GSE1: variants seen among roughly 807,000 people sequenced by gnomAD.
The protein encoded by GSE1 is Gse1 coiled-coil protein, also known as genetic suppressor element 1.
GSE1 carries 32 observed loss-of-function variants against 112.6 expected under a neutral mutation model. The ratio of observed to expected loss-of-function variants is 0.28; its 90% CI spans 0.21 to 0.38. GSE1 has a LOEUF of 0.38. GSE1 is among the 10% of genes least tolerant of loss of function. The probability of loss-of-function intolerance (pLI) is 1.00; values close to 1 mark genes in which losing one functional copy is unlikely to be tolerated. For missense variants in GSE1, 2,348 were observed against 1,699.2 expected, an observed-to-expected ratio of 1.38 and a Z score of -6.71; for synonymous variants, 1,115 against 735.6, an observed-to-expected ratio of 1.52 and a Z score of -8.35.
chr16:85,655,828 C>A lies in GSE1; in HGVS notation c.900C>A (p.His300Gln). ...TGCACCCATCAGCGATGCACCTGCA[C>A]CTCTCTGGGGTCCGCTACCCTCCCG... ...PPLHPSAMHL[H>Q]LSGVRYPPEL... Residue 300 changes from histidine (H) to glutamine (Q), a missense_variant, in exon 6 of 16, where the codon CAC becomes CAA. His to Gln is a conservative substitution (Grantham distance 24). Coordinates refer to ENST00000253458, the MANE Select transcript of GSE1 (RefSeq NM_014615.5). 2 of 1,611,182 alleles carry A rather than the reference C, an allele frequency of 1.2e-6. No individual in the cohort carries two copies. Among genetic ancestry groups the A allele is most frequent in the Non-Finnish European group, 1.7e-6 (2 of 1,179,558 alleles).
At chr16:85,391,097 CGCCCCAGCTGGCA>C (rs1471245587) in intron 2 of GSE1, among the ~76,000 whole-genome samples, 2 of 152,190 alleles carry the variant, frequency 1.3e-5, no homozygotes, top group Admixed American at 6.5e-5. Context: ...GCCCCCCCAC[CGCCCCAGCTGGCA>C]GCCCCAGCAC....
intron 2 of GSE1, among the ~76,000 whole-genome samples, chr16:85,534,357 A>G (rs1394304125): frequency 1.3e-5 from 2 of 152,064 alleles, no homozygotes; most frequent in Non-Finnish European, 2.9e-5. Context: ...CCTGACCTCA[A>G]GTGATCCGCC....
At chr16:85,399,019 T>A (rs1344471226) in intron 2 of GSE1, among the ~76,000 whole-genome samples, 3 of 150,484 alleles carry the variant, frequency 2.0e-5, no homozygotes, top group Non-Finnish European at 4.4e-5. Flanking sequence ...TTGTGTGTGG[T>A]TGGCAGACAT....
At chr16:85,636,696 G>A (rs970351862) in intron 2 of GSE1, among the ~76,000 whole-genome samples, 9 of 152,214 alleles carry the variant, frequency 5.9e-5, no homozygotes, top group African/African-American at 1.4e-4. Flanking sequence ...CCCGGGGGGG[G>A]GCTGGGAGAG....
At chr16:85,404,149 CCG>C (rs2048191977) in intron 2 of GSE1, among the ~76,000 whole-genome samples, 1 of 106,092 alleles carries the variant, frequency 9.4e-6, no homozygotes, top group South Asian at 3.7e-4. Flanking sequence ...ATAATCCACA[CCG>C]TTACACTCAG....
At chr16:85,211,894 TGA>T (rs1490115347) in intron 1 of GSE1, among the ~76,000 whole-genome samples, 12 of 152,360 alleles carry the variant, frequency 7.9e-5, no homozygotes, top group Non-Finnish European at 1.5e-5. Context: ...CACACAGCTT[TGA>T]GCGCCTGGAT....
At chr16:85,621,212 T>A (rs2048719582) in intron 1 of GSE1, among the ~76,000 whole-genome samples, 1 of 151,516 alleles carries the variant, frequency 6.6e-6, no homozygotes, top group South Asian at 2.1e-4. Flanking sequence ...GTCTTGGCCC[T>A]GGGTCTCTGC....
intron 2 of GSE1, among the ~76,000 whole-genome samples, chr16:85,441,349 G>A (rs72798951): frequency 0.14 from 21,231 of 152,146 alleles, 1,993 homozygotes; most frequent in Non-Finnish European, 0.2. Context: ...CGGGGTTAAG[G>A]GACACTCACA....
intron 2 of GSE1, among the ~76,000 whole-genome samples, chr16:85,402,881 A>G (rs569570647): frequency 1.3e-5 from 2 of 151,758 alleles, no homozygotes; most frequent in Non-Finnish European, 2.9e-5. Context: ...GTGCCACTGC[A>G]TGTCAGCCTA....
chr16:85,542,833 C>A (rs1179531747), intron 2 of GSE1, among the ~76,000 whole-genome samples: 1 of 152,232 alleles, frequency 6.6e-6, no homozygotes, highest in Non-Finnish European at 1.5e-5. Context: ...GGGCTTCTCC[C>A]TCCCTGCAGC....
intron 1 of GSE1, among the ~76,000 whole-genome samples, chr16:85,278,582 C>T (rs966395843): frequency 6.6e-6 from 1 of 152,164 alleles, no homozygotes; most frequent in Non-Finnish European, 1.5e-5. Context: ...CTGTTAGCCT[C>T]ATAGTCTTCA....
At chr16:85,549,780 G>A (rs187719216) in intron 2 of GSE1, among the ~76,000 whole-genome samples, 6 of 152,344 alleles carry the variant, frequency 3.9e-5, no homozygotes, top group Admixed American at 3.9e-4. Context: ...GAGAAAGAGG[G>A]TGTGTCCTCT....
chr16:85,242,160 A>T (rs1001739338), intron 1 of GSE1, among the ~76,000 whole-genome samples: 19 of 152,248 alleles, frequency 1.2e-4, no homozygotes, highest in Non-Finnish European at 2.1e-4. Flanking sequence ...CGCCCTGTGG[A>T]TGCCTGCAGA....
intron 2 of GSE1, among the ~76,000 whole-genome samples, chr16:85,545,568 G>C (rs552019476): frequency 2.4e-4 from 37 of 152,256 alleles, no homozygotes; most frequent in Non-Finnish European, 4.7e-4. Flanking sequence ...TACTGGCTGT[G>C]TGACCTTGGG....
chr16:85,440,308 G>C (rs2049346130), intron 2 of GSE1, among the ~76,000 whole-genome samples: 1 of 152,244 alleles, frequency 6.6e-6, no homozygotes, highest in African/African-American at 2.4e-5. Flanking sequence ...GGCACAACTT[G>C]CTCTAGCAAA....
intron 2 of GSE1, among the ~76,000 whole-genome samples, chr16:85,377,905 C>A (rs1218082513): frequency 6.6e-6 from 1 of 152,260 alleles, no homozygotes; most frequent in African/African-American, 2.4e-5. Context: ...ACAGGGGAAA[C>A]CGCAGGGCCT....
chr16:85,607,891 C>T (rs1185877667), upstream of GSE1, among the ~76,000 whole-genome samples: 3 of 152,210 alleles, frequency 2.0e-5, no homozygotes, highest in Non-Finnish European at 2.9e-5. Context: ...CCAGCAGACA[C>T]GCTGTGGCCC....
chr16:85,556,396 G>C (rs1272709374), intron 1 of GSE1: 1 of 973,072 alleles, frequency 1.0e-6, no homozygotes, highest in East Asian at 1.2e-4. Context: ...TGGGTCCCGC[G>C]CGGCGCCGGC....
intron 2 of GSE1, among the ~76,000 whole-genome samples, chr16:85,400,105 G>A (rs1029316024): frequency 2.6e-5 from 4 of 152,224 alleles, no homozygotes; most frequent in Non-Finnish European, 4.4e-5. Flanking sequence ...CGTCTTCGCC[G>A]CCACACCGGC....
Sources: allele counts gnomAD v4.1 joint callset (sites outside exome capture counted in the v4.1 genomes callset), GRCh38; gene constraint gnomAD v4.1.1; transcripts MANE v1.5; gene names NCBI Gene and HGNC (gene_info 2026-07-23, HGNC 2026-07-21).